The following ANO1 variants were observed in gnomAD, a reference collection of about 807,000 sequenced individuals.
ANO1 encodes the protein anoctamin 1, also known as anoctamin-1.
In ANO1, 59 loss-of-function variants were observed where a neutral mutation model predicts 124.0. The observed-to-expected ratio is 0.48, with a 90% CI of 0.39 to 0.59. The LOEUF (loss-of-function observed/expected upper bound fraction) is 0.59, where lower values mean the gene tolerates loss of function less well. Among genes scored for constraint, ANO1 ranks in the 20% least tolerant of loss-of-function variants. The pLI, the probability that ANO1 is intolerant of heterozygous loss-of-function variation, is 0.00. For synonymous variants in ANO1, 529 were observed against 532.0 expected (o/e 0.99, Z 0.08); for missense variants, 1,059 against 1,328.0 (o/e 0.80, Z 3.15).
intron 1 of ANO1, among the ~76,000 whole-genome samples, chr11:70,004,928 C>A (rs1554999848): frequency 1.3e-5 from 2 of 152,102 alleles, no homozygotes; most frequent in African/African-American, 4.8e-5. Context: ...GCCTGGCCAA[C>A]ATTGCAAAAC....
chr11:69,992,637 T>TC (rs1310285264), intron 1 of ANO1, among the ~76,000 whole-genome samples: 1 of 152,156 alleles, frequency 6.6e-6, no homozygotes, highest in Non-Finnish European at 1.5e-5. Context: ...ACCTAGGTCC[T>TC]CACTAATTCA....
intron 10 of ANO1, among the ~76,000 whole-genome samples, chr11:70,128,006 AG>A (rs1303667960): frequency 6.6e-6 from 1 of 152,218 alleles, no homozygotes; most frequent in Non-Finnish European, 1.5e-5. Context: ...TCTAAAGCAG[AG>A]GTATAGTTTA....
At chr11:70,035,922 C>T (rs1449844328) in intron 1 of ANO1, among the ~76,000 whole-genome samples, 1 of 152,130 alleles carries the variant, frequency 6.6e-6, no homozygotes, top group African/African-American at 2.4e-5. Flanking sequence ...TCCAATCTAT[C>T]ATTGATAGGC....
At chr11:70,103,750 A>T (rs1279366415) in intron 3 of ANO1, among the ~76,000 whole-genome samples, 3 of 152,148 alleles carry the variant, frequency 2.0e-5, no homozygotes, top group African/African-American at 7.2e-5. Context: ...TTTTGAAGCA[A>T]AAGTAAAGTT....
At chr11:70,150,779 A>G (rs532920486) in intron 12 of ANO1, among the ~76,000 whole-genome samples, 18 of 152,272 alleles carry the variant, frequency 1.2e-4, no homozygotes, top group Non-Finnish European at 2.4e-4. Flanking sequence ...AAAAAAAAGA[A>G]CTTTTTCATG....
At chr11:70,118,773 T>C (rs1590782844) in intron 8 of ANO1, among the ~76,000 whole-genome samples, 1 of 148,420 alleles carries the variant, frequency 6.7e-6, no homozygotes, top group African/African-American at 2.5e-5. Flanking sequence ...GATGGATGGG[T>C]AGGTGTGTGG....
At chr11:70,110,634 G>A (rs578019752) in intron 6 of ANO1, among the ~76,000 whole-genome samples, 2 of 152,178 alleles carry the variant, frequency 1.3e-5, no homozygotes, top group Non-Finnish European at 2.9e-5. Flanking sequence ...AGGGGATTTC[G>A]GGAGGTCATT....
At chr11:70,079,835 A>G (rs541356048) in intron 1 of ANO1, among the ~76,000 whole-genome samples, 3 of 152,028 alleles carry the variant, frequency 2.0e-5, no homozygotes, top group African/African-American at 7.2e-5. Context: ...GACAGCAGGG[A>G]CTCTGGCCTT....
chr11:70,158,109 A>G (rs1315691325), intron 16 of ANO1, among the ~76,000 whole-genome samples: 1 of 152,332 alleles, frequency 6.6e-6, no homozygotes, highest in South Asian at 2.1e-4. Flanking sequence ...AAAGAAAACT[A>G]TTAAATAAAT....
At chr11:70,052,113 T>C (rs187759651) in intron 1 of ANO1, among the ~76,000 whole-genome samples, 1 of 150,922 alleles carries the variant, frequency 6.6e-6, no homozygotes, top group African/African-American at 2.5e-5. Flanking sequence ...TTCCACACCA[T>C]TTATTGATTC....
At chr11:70,180,101 A>G (rs1339664340) in intron 23 of ANO1, 45 bp downstream of exon 23, 1 of 1,568,766 alleles carries the variant, frequency 6.4e-7, no homozygotes, top group Non-Finnish European at 8.8e-7. Flanking sequence ...TCCCGGCTGA[A>G]CTGCCAGGTG....
intron 1 of ANO1, among the ~76,000 whole-genome samples, chr11:70,040,124 A>G (rs1857160217): frequency 6.6e-6 from 1 of 152,170 alleles, no homozygotes. Context: ...CTGCCAGCCA[A>G]GATAATCTGG....
At chr11:69,976,336 C>T in the ANO1 span, among the ~76,000 whole-genome samples, 5 of 151,852 alleles carry the variant, frequency 3.3e-5, no homozygotes, top group Non-Finnish European at 2.9e-5. Context: ...GGTGAAACCC[C>T]GTCTACTAAA....
chr11:70,174,875 A>AT (rs2048625548), intron 22 of ANO1, among the ~76,000 whole-genome samples: 1 of 152,034 alleles, frequency 6.6e-6, no homozygotes, highest in Non-Finnish European at 1.5e-5. Flanking sequence ...AGTAAAGAAA[A>AT]GAGTGCCATC....
chr11:70,167,728 G>T (rs1235785409), intron 21 of ANO1, among the ~76,000 whole-genome samples: 1 of 151,556 alleles, frequency 6.6e-6, no homozygotes, highest in African/African-American at 2.4e-5. Context: ...CCCAGGCACG[G>T]TCTCCATCAG....
At chr11:70,035,203 G>A (rs1193236927) in intron 1 of ANO1, among the ~76,000 whole-genome samples, 3 of 152,106 alleles carry the variant, frequency 2.0e-5, no homozygotes, top group Non-Finnish European at 4.4e-5. Context: ...GCCTGGCAGC[G>A]GGACCAGGGC....
chr11:70,003,407 G>A (rs537841206), intron 1 of ANO1, among the ~76,000 whole-genome samples: 103 of 152,306 alleles, frequency 6.8e-4, no homozygotes, highest in African/African-American at 2.0e-3. Context: ...GCAGCATGTC[G>A]TCACCAATTC....
chr11:69,983,098 G>A (rs936989187), upstream of ANO1, among the ~76,000 whole-genome samples: 14 of 152,122 alleles, frequency 9.2e-5, no homozygotes, highest in Non-Finnish European at 2.1e-4. Flanking sequence ...AGACCCAGCA[G>A]CATTGGGGAG....
intron 11 of ANO1, among the ~76,000 whole-genome samples, chr11:70,137,035 G>A (rs1447645472): frequency 6.8e-6 from 1 of 147,266 alleles, no homozygotes; most frequent in Non-Finnish European, 1.5e-5. Flanking sequence ...GCAGAGCATT[G>A]GGAGGTGATG....
Sources: allele counts gnomAD v4.1 joint callset (sites outside exome capture counted in the v4.1 genomes callset), GRCh38; gene constraint gnomAD v4.1.1; transcripts MANE v1.5; gene names NCBI Gene and HGNC (gene_info 2026-07-23, HGNC 2026-07-21).